FAM107B: variants seen among roughly 807,000 people sequenced by gnomAD.
FAM107B encodes the protein family with sequence similarity 107 member B, also known as protein FAM107B.
A neutral mutation model predicts 31.5 loss-of-function variants in FAM107B; 21 were observed. The observed-to-expected ratio is 0.67, with a 90% CI of 0.47 to 0.96. The LOEUF (loss-of-function observed/expected upper bound fraction) is 0.96, where lower values mean the gene tolerates loss of function less well. FAM107B is among the 40% of genes least tolerant of loss of function. The probability of loss-of-function intolerance (pLI) is 0.00; values close to 1 mark genes in which losing one functional copy is unlikely to be tolerated. For missense variants in FAM107B, 452 were observed against 377.1 expected (o/e 1.20, Z -1.64); for synonymous variants, 157 against 141.5 (o/e 1.11, Z -0.78).
At chr10:14,723,546 T>C (rs1855962022) in intron 1 of FAM107B, 1 of 642,824 alleles carries the variant, frequency 1.6e-6, no homozygotes, top group East Asian at 2.9e-5. Context: ...TCAAACCCAC[T>C]GTGTGAGCTC....
At chr10:14,699,099 A>C (rs746889561) in intron 1 of FAM107B, among the ~76,000 whole-genome samples, 9 of 152,176 alleles carry the variant, frequency 5.9e-5, no homozygotes, top group Non-Finnish European at 1.2e-4. Context: ...GAGGGAACAA[A>C]GGCAAGGAAA....
At chr10:14,585,326 C>A (rs1051616429) in intron 2 of FAM107B, among the ~76,000 whole-genome samples, 4 of 152,174 alleles carry the variant, frequency 2.6e-5, no homozygotes, top group Non-Finnish European at 4.4e-5. Context: ...CTCTCGCAAG[C>A]CCCATCTTCC....
chr10:14,546,142 C>T (rs375398736), intron 2 of FAM107B, among the ~76,000 whole-genome samples: 203 of 152,322 alleles, frequency 1.3e-3, no homozygotes, highest in African/African-American at 4.7e-3. Context: ...AACACAGAGA[C>T]CAGGTGTTCA....
chr10:14,766,686 G>A (rs1833168819), intron 1 of FAM107B, among the ~76,000 whole-genome samples: 1 of 151,732 alleles, frequency 6.6e-6, no homozygotes, highest in African/African-American at 2.4e-5. Flanking sequence ...TCAATGAGTG[G>A]TACTTATAAT....
At chr10:14,705,485 A>T (rs1230710557) in intron 1 of FAM107B, among the ~76,000 whole-genome samples, 1 of 152,180 alleles carries the variant, frequency 6.6e-6, no homozygotes, top group African/African-American at 2.4e-5. Context: ...AGAAAAATGG[A>T]TAAACAAAGT....
At chr10:14,561,692 G>C (rs2131178230) in intron 2 of FAM107B, among the ~76,000 whole-genome samples, 1 of 152,308 alleles carries the variant, frequency 6.6e-6, no homozygotes, top group South Asian at 2.1e-4. Context: ...ACCTTTCCTA[G>C]TCCAGTCTAA....
intron 1 of FAM107B, among the ~76,000 whole-genome samples, chr10:14,767,528 A>T (rs1833209582): frequency 6.6e-6 from 1 of 152,334 alleles, no homozygotes; most frequent in African/African-American, 2.4e-5. Flanking sequence ...AAAATCGATC[A>T]GTGTAACATA....
intron 1 of FAM107B, among the ~76,000 whole-genome samples, chr10:14,714,629 G>A (rs890447936): frequency 1.3e-5 from 2 of 152,216 alleles, no homozygotes; most frequent in African/African-American, 4.8e-5. Flanking sequence ...CAACACCACC[G>A]CTCCCTTATA....
intron 1 of FAM107B, among the ~76,000 whole-genome samples, chr10:14,766,268 G>C (rs1833159500): frequency 6.6e-6 from 1 of 152,170 alleles, no homozygotes; most frequent in Non-Finnish European, 1.5e-5. Context: ...TATTAGAAAA[G>C]ACTGTGCCAA....
chr10:14,767,837 A>G (rs555661380), intron 1 of FAM107B, among the ~76,000 whole-genome samples: 1 of 152,234 alleles, frequency 6.6e-6, no homozygotes, highest in Non-Finnish European at 1.5e-5. Flanking sequence ...AAGCAAGAAA[A>G]AGAAATAAAA....
At chr10:14,768,537 G>T (rs552312145) in intron 1 of FAM107B, among the ~76,000 whole-genome samples, 4 of 152,212 alleles carry the variant, frequency 2.6e-5, no homozygotes, top group Admixed American at 2.0e-4. Flanking sequence ...CACTCAATGG[G>T]GAAAAGACAG....
intron 1 of FAM107B, among the ~76,000 whole-genome samples, chr10:14,699,041 C>T (rs7911059): frequency 0.84 from 126,002 of 150,454 alleles, 52,401 homozygotes; most frequent in Non-Finnish European, 0.87. Context: ...GGGTACCCTG[C>T]GAGCAGGCAG....
At chr10:14,649,444 C>T (rs963960698) in intron 2 of FAM107B, among the ~76,000 whole-genome samples, 3 of 152,114 alleles carry the variant, frequency 2.0e-5, no homozygotes, top group African/African-American at 7.2e-5. Context: ...TGTTAAGAAA[C>T]ATTTACCATC....
At chr10:14,735,636 G>T (rs1321852583) in intron 1 of FAM107B, among the ~76,000 whole-genome samples, 1 of 152,188 alleles carries the variant, frequency 6.6e-6, no homozygotes, top group Non-Finnish European at 1.5e-5. Flanking sequence ...AGGGGATAAA[G>T]CATTGGCCTG....
chr10:14,567,379 A>T (rs1850764840), intron 2 of FAM107B, among the ~76,000 whole-genome samples: 1 of 152,132 alleles, frequency 6.6e-6, no homozygotes, highest in Admixed American at 6.5e-5. Context: ...ATCTGCCGAG[A>T]GTGAAATGAG....
Position 14,667,516 on chromosome 10 carries a change from T to C in FAM107B, c.469+118A>G, listed in dbSNP as rs187750701. On this transcript the variant is annotated intron_variant, in intron 2 of 4. Transcript: ENST00000181796. ...ATCACACGTGACATTTCTAGTCATG[T>C]TTCCAATCATTTGGAACATACAGGT... 4.8e-5 allele frequency: 47 copies of C among 986,690 alleles called. No individual in the cohort carries two copies. In the African/African-American group the frequency reaches 6.7e-4, roughly 14 times the overall value. 61.1% of individuals were successfully genotyped at this position (986,690 alleles called of 1,614,324 possible). A position where few individuals can be genotyped will look rare whatever the true frequency, so the allele number is the denominator to read the frequency against.
intron 2 of FAM107B, chr10:14,572,088 G>C (rs1851273534): frequency 1.0e-6 from 1 of 985,306 alleles, no homozygotes; most frequent in Admixed American, 6.2e-5. Flanking sequence ...TATCAAAAGA[G>C]CCACAGTTCA....
intron 2 of FAM107B, among the ~76,000 whole-genome samples, chr10:14,566,102 T>C (rs542170561): frequency 6.6e-6 from 1 of 152,220 alleles, no homozygotes; most frequent in Non-Finnish European, 1.5e-5. Flanking sequence ...CAAAGAACCC[T>C]GTATTTTCAC....
At chr10:14,684,260 C>T (rs1226713274) in intron 1 of FAM107B, among the ~76,000 whole-genome samples, 3 of 152,122 alleles carry the variant, frequency 2.0e-5, no homozygotes, top group African/African-American at 7.2e-5. Context: ...CAAGACCAGC[C>T]TGGCCAACAT....
Sources: allele counts gnomAD v4.1 joint callset (sites outside exome capture counted in the v4.1 genomes callset), GRCh38; gene constraint gnomAD v4.1.1; transcripts MANE v1.5; gene names NCBI Gene and HGNC (gene_info 2026-07-23, HGNC 2026-07-21).